Variants in TRIT1 observed in about 807,000 individuals in gnomAD.
TRIT1 encodes tRNA dimethylallyltransferase.
Under a neutral mutation model 51.2 loss-of-function variants are expected in TRIT1, and 43 were observed. The observed-to-expected ratio is 0.84, with a 90% CI of 0.66 to 1.08. The LOEUF is 1.08. Ranked by LOEUF, TRIT1 falls within the 50% of genes least tolerant of loss-of-function variation. The pLI is 0.00. For synonymous variants in TRIT1, 184 were observed against 203.9 expected (o/e 0.90, Z 0.83); for missense variants, 528 against 578.4 (o/e 0.91, Z 0.89).
intron 1 of TRIT1, among the ~76,000 whole-genome samples, chr1:39,879,071 C>A (rs1644159703): frequency 6.6e-6 from 1 of 151,914 alleles, no homozygotes; most frequent in African/African-American, 2.4e-5. Context: ...AGATCGAGAC[C>A]ATCCTAGCTA....
intron 1 of TRIT1, among the ~76,000 whole-genome samples, chr1:39,862,218 T>G (rs1246707381): frequency 6.6e-6 from 1 of 152,066 alleles, no homozygotes; most frequent in African/African-American, 2.4e-5. Flanking sequence ...GTAGTAATGG[T>G]TGCAGAACAA....
At chr1:39,846,318 T>C (rs902372954) in intron 8 of TRIT1, among the ~76,000 whole-genome samples, 19 of 152,182 alleles carry the variant, frequency 1.2e-4, no homozygotes, top group Non-Finnish European at 7.4e-5. Context: ...CTGTCTGTAA[T>C]TGAGAGCAGA....
chr1:39,850,860 A>T (rs895984526), intron 4 of TRIT1, among the ~76,000 whole-genome samples: 28 of 152,318 alleles, frequency 1.8e-4, no homozygotes, highest in Admixed American at 1.6e-3. Context: ...TTTCTTTTTA[A>T]ATATGTCAAA....
intron 8 of TRIT1, among the ~76,000 whole-genome samples, chr1:39,846,288 G>C (rs1044548195): frequency 2.0e-5 from 3 of 152,198 alleles, no homozygotes. Context: ...CACCGAGTGG[G>C]GCAGAGGCTT....
Position 39,883,484 on chromosome 1 carries a change from G to A in TRIT1, c.8C>T (p.Ser3Phe). Reference protein sequence around the residue: MASVAAARAVPVG... With the variant: MAFVAAARAVPVG... ...GGGAACTGCTCGTGCAGCCGCCACG[G>A]ACGCCATCTTATGGCAGTCTGCGCT... Residue 3 changes from serine to phenylalanine, a missense_variant, in exon 1 of 11, where the codon TCC (serine) becomes TTC (phenylalanine). By Grantham distance (155) the Ser-to-Phe change is radical. This residue lies in a region of TRIT1 where 55 missense variants were observed against 37.0 expected (regional missense o/e 1.49). Coordinates refer to ENST00000316891, the MANE Select transcript of TRIT1 (RefSeq NM_017646.6). The A allele has an allele frequency of 6.3e-7, 1 of 1,595,678 alleles. No homozygotes were observed. The highest frequency in any genetic ancestry group is 8.6e-7 in the Non-Finnish European group (1 of 1,165,558).
rs1173227188 is a variant in TRIT1, at chr1:39,876,940, C to CA, written c.174+6377dup. Among the ~76,000 whole-genome samples, 295 of 68,668 alleles carry CA rather than the reference C, an allele frequency of 4.3e-3. 2 individuals carry two copies. Among genetic ancestry groups the CA allele is most frequent in the Admixed American group, 6.4e-3 (37 of 5,746 alleles). The allele number at this position is 68,668 out of a possible 152,430, so 45.0% of individuals were successfully genotyped here. A position where few individuals can be genotyped will look rare whatever the true frequency, so the allele number is the denominator to read the frequency against. The stretch of plus-strand genomic sequence containing the variant: ...AAGACTCCATCTCAAAAAAAAAAAA[C>CA]AAAAAAAAAAGGACTGCCTTTGTCA... On this transcript the variant is annotated intron_variant, in intron 1 of 10. Coordinates refer to ENST00000316891, the MANE Select transcript of TRIT1 (RefSeq NM_017646.6).
Position 39,883,492 on chromosome 1 carries a change from CT to C in TRIT1, c.-2del. 1 of 1,591,072 alleles carries C rather than the reference CT, an allele frequency of 6.3e-7. No homozygotes were observed. The highest frequency in any genetic ancestry group is 8.6e-7 in the Non-Finnish European group (1 of 1,162,320). ...CTCGTGCAGCCGCCACGGACGCCAT[CT>C]TATGGCAGTCTGCGCTTGCGCCGGA... On this transcript the variant is annotated 5_prime_UTR_variant, in exon 1 of 11. Transcript: ENST00000316891.
chr1:39,880,363 C>T (rs1644220167), intron 1 of TRIT1, among the ~76,000 whole-genome samples: 1 of 150,842 alleles, frequency 6.6e-6, no homozygotes, highest in Non-Finnish European at 1.5e-5. Flanking sequence ...TATTGCTTTG[C>T]CTGTGGAGTT....
chr1:39,847,894 A>C, intron 6 of TRIT1, 92 bp downstream of exon 6: 1 of 1,389,308 alleles, frequency 7.2e-7, no homozygotes, highest in Non-Finnish European at 1.0e-6. Flanking sequence ...AAGGCTGATA[A>C]ACAAGTAGAC....
rs551494048 is a variant in TRIT1 at position 39,866,975 on chromosome 1, C to T, written c.175-9558G>A. Among the ~76,000 whole-genome samples, 3 of 152,240 alleles carry T rather than the reference C, an allele frequency of 2.0e-5. No homozygotes were observed. The East Asian group carries it at 5.8e-4, about 29-fold the overall frequency. ...CACTGCACTCCAGCCTGAAGTGAGA[C>T]ACTGTCTCAAAAAATAAAATAAAAA... On this transcript the variant is annotated intron_variant, in intron 1 of 10. Transcript: ENST00000316891.
chr1:39,838,553 C>T lies in TRIT1; in HGVS notation c.*3191G>A, dbSNP rs1435371061. On this transcript the variant is annotated 3_prime_UTR_variant, in exon 11 of 11. Transcript: ENST00000316891. ...GTGGCATGATCATGTTTCACTGAAG[C>T]CTCAATCTCCCAGGCCCAAGCCATC... Among the ~76,000 whole-genome samples the T allele has an allele frequency of 6.6e-6, 1 of 152,178 alleles. No homozygotes were observed. Among genetic ancestry groups the T allele is most frequent in the Non-Finnish European group, 1.5e-5 (1 of 68,034 alleles).
intron 3 of TRIT1, 109 bp from the exon 4 acceptor site, chr1:39,852,985 C>T: frequency 1.6e-6 from 2 of 1,251,672 alleles, no homozygotes; most frequent in Non-Finnish European, 2.2e-6. Flanking sequence ...GAAGATCTTG[C>T]CATATAGTGA....
intron 1 of TRIT1, among the ~76,000 whole-genome samples, chr1:39,872,494 A>G (rs1270219540): frequency 6.6e-6 from 1 of 152,200 alleles, no homozygotes; most frequent in African/African-American, 2.4e-5. Context: ...AAGTAAATAT[A>G]CTATAGGGAA....
In TRIT1 at chr1:39,838,862, G is replaced by A. The variant is rs533778648; in HGVS notation, c.*2882C>T. ...GTTTTAAGCAAAAAAATCCTCTTTG[G>A]AACTAAAGAGAGCTAAGAGAGGACA... On this transcript the variant is annotated 3_prime_UTR_variant, in exon 11 of 11. Coordinates refer to ENST00000316891, the MANE Select transcript of TRIT1 (RefSeq NM_017646.6). 6.7e-6 allele frequency among the ~76,000 whole-genome samples: 1 copy of A among 149,820 alleles called. No homozygotes were observed. Among genetic ancestry groups the A allele is most frequent in the Admixed American group, 6.6e-5 (1 of 15,088 alleles).
chr1:39,878,414 C>A (rs1374267768), intron 1 of TRIT1, among the ~76,000 whole-genome samples: 2 of 152,190 alleles, frequency 1.3e-5, no homozygotes, highest in African/African-American at 4.8e-5. Context: ...GTAGGGTTGA[C>A]CTTGGGTAGG....
intron 1 of TRIT1, among the ~76,000 whole-genome samples, chr1:39,864,250 C>T (rs1269899582): frequency 6.6e-6 from 1 of 151,742 alleles, no homozygotes; most frequent in Non-Finnish European, 1.5e-5. Context: ...AGGGTAGAGG[C>T]CAAGGATGCT....
At chr1:39,856,487 GAAAAAA>G (rs61518870) in intron 2 of TRIT1, among the ~76,000 whole-genome samples, 5 of 108,714 alleles carry the variant, frequency 4.6e-5, no homozygotes, top group Non-Finnish European at 7.4e-5. Context: ...GTCTCTAGGA[GAAAAAA>G]AAAAAAAAAA....
intron 1 of TRIT1, among the ~76,000 whole-genome samples, chr1:39,864,597 CA>C (rs58041605): frequency 0.071 from 6,877 of 97,258 alleles, 428 homozygotes; most frequent in African/African-American, 0.21. Flanking sequence ...GACTCTGTCT[CA>C]AAAAAAAAAA....
intron 1 of TRIT1, among the ~76,000 whole-genome samples, chr1:39,872,266 C>A (rs1158934617): frequency 6.6e-6 from 1 of 151,978 alleles, no homozygotes; most frequent in Non-Finnish European, 1.5e-5. Context: ...GGATAGACTA[C>A]AGACTGTAAC....
Sources: gnomAD v4.1 joint callset for allele counts (sites outside exome capture counted in the v4.1 genomes callset) on GRCh38, gnomAD v4.1.1 for gene constraint, gnomAD v4.1.1 regional missense constraint, MANE v1.5 for transcripts, NCBI Gene and HGNC (gene_info 2026-07-23, HGNC 2026-07-21) for gene names.